Variants in POLE observed in about 807,000 individuals in gnomAD.
POLE encodes DNA polymerase epsilon, catalytic subunit, also known as DNA polymerase epsilon catalytic subunit A.
In POLE, 188 loss-of-function variants were observed where a neutral mutation model predicts 279.2. The ratio of observed to expected loss-of-function variants is 0.67; its 90% CI spans 0.60 to 0.76. The LOEUF (loss-of-function observed/expected upper bound fraction) is 0.76, where lower values mean the gene tolerates loss of function less well. Among genes scored for constraint, POLE ranks in the 30% least tolerant of loss-of-function variants. The pLI, the probability that POLE is intolerant of heterozygous loss-of-function variation, is 0.00. For missense variants in POLE, 2,703 were observed against 3,016.7 expected, an observed-to-expected ratio of 0.90 and a Z score of 2.44; for synonymous variants, 1,214 against 1,172.5, an observed-to-expected ratio of 1.04 and a Z score of -0.72.
At chr12:132,631,719 A>G (rs1370009039) in intron 45 of POLE, among the ~76,000 whole-genome samples, 1 of 152,116 alleles carries the variant, frequency 6.6e-6, no homozygotes, top group Non-Finnish European at 1.5e-5. Context: ...TCATCTCATC[A>G]GCTCTGGGTC....
chr12:132,648,825 C>T lies in POLE; in HGVS notation c.4149+104G>A, dbSNP rs564825011. On this transcript the variant is annotated intron_variant, in intron 32 of 48. Coordinates refer to ENST00000320574, the MANE Select transcript of POLE (RefSeq NM_006231.4). ...GTTTTGAGGAATTCCTAGAACATCC[C>T]CATAAGGTACTGAGGAGATGGAGGC... The T allele has an allele frequency of 1.7e-4, 213 of 1,227,674 alleles. 1 individual carries two copies. The African/African-American group carries it at 3.1e-3, about 18-fold the overall frequency. The allele number at this position is 1,227,674 out of a possible 1,614,324, so 76.0% of individuals were successfully genotyped here.
intron 6 of POLE, among the ~76,000 whole-genome samples, 153 bp downstream of exon 6, chr12:132,679,344 C>T (rs896344496): frequency 6.6e-6 from 1 of 152,126 alleles, no homozygotes; most frequent in African/African-American, 2.4e-5. Flanking sequence ...GTTTATTTAA[C>T]ACAGAACATA....
chr12:132,647,711 A>G (rs1394354556), intron 32 of POLE, among the ~76,000 whole-genome samples: 1 of 152,118 alleles, frequency 6.6e-6, no homozygotes, highest in African/African-American at 2.4e-5. Flanking sequence ...AAAGGGAAAC[A>G]TCCCAAAAGT....
chr12:132,675,942 C>CTTCT lies in POLE; in HGVS notation c.1021-123_1021-122insAGAA. The stretch of plus-strand genomic sequence containing the variant: ...GGCCCTTATTCCTGCCCCGCCCCTC[C>CTTCT]GCCCGTCTCTGGCAGAAAAGACGGT... On this transcript the variant is annotated intron_variant, in intron 10 of 48. Transcript: ENST00000320574. This position sits in a 1 kb window ranked among gnomAD's most constrained non-coding sequence, Gnocchi z 4.3. The CTTCT allele has an allele frequency of 1.0e-6, 1 of 954,064 alleles. No homozygotes were observed. Among genetic ancestry groups the CTTCT allele is most frequent in the Non-Finnish European group, 1.6e-6 (1 of 608,282 alleles). 59.1% of individuals were successfully genotyped at this position (954,064 alleles called of 1,614,324 possible). A position where few individuals can be genotyped will look rare whatever the true frequency, so the allele number is the denominator to read the frequency against.
chr12:132,632,980 AG>A (rs1271877296), intron 43 of POLE, 185 bp from the exon 44 acceptor site: 13 of 615,690 alleles, frequency 2.1e-5, no homozygotes, highest in African/African-American at 1.3e-4. Flanking sequence ...GGAAATGAGA[AG>A]GAACACTCGC....
intron 20 of POLE, among the ~76,000 whole-genome samples, chr12:132,666,873 G>C (rs528501977): frequency 3.3e-5 from 5 of 152,092 alleles, no homozygotes; most frequent in Non-Finnish European, 5.9e-5. Flanking sequence ...TATTATGTCC[G>C]CCTTACCATT....
rs5744730 is a variant in POLE at position 132,681,534 on chromosome 12, G to A, written c.63-255C>T. ...AATTTTTTGTATTTTTAGTAGAGACGGGGTTTCACCGTGTTAGCCAGGATG... is the reference window on the plus strand; with the variant it reads ...AATTTTTTGTATTTTTAGTAGAGACAGGGTTTCACCGTGTTAGCCAGGATG... On this transcript the variant is annotated intron_variant, in intron 1 of 48. Transcript: ENST00000320574. Among the ~76,000 whole-genome samples the A allele has an allele frequency of 0.03, 4,533 of 152,012 alleles. 231 individuals are homozygous for A. Among genetic ancestry groups the A allele is most frequent in the African/African-American group, 0.1 (4,250 of 41,436 alleles).
In POLE at chr12:132,664,842, C is replaced by T. The variant is rs978063279; in HGVS notation, c.2469-380G>A. On this transcript the variant is annotated intron_variant, in intron 21 of 48. Coordinates refer to ENST00000320574, the MANE Select transcript of POLE (RefSeq NM_006231.4). This position sits in a 1 kb window ranked among gnomAD's most constrained non-coding sequence, Gnocchi z 5.3. ...GAAAGCCCAGGCCTAGCTGCCAGGCCCAACCCTCCTCCAGCCTGGGTCCCA... is the reference window on the plus strand; with the variant it reads ...GAAAGCCCAGGCCTAGCTGCCAGGCTCAACCCTCCTCCAGCCTGGGTCCCA... 1.3e-5 allele frequency among the ~76,000 whole-genome samples: 2 copies of T among 152,088 alleles called. No individual in the cohort carries two copies. Among genetic ancestry groups the T allele is most frequent in the East Asian group, 3.9e-4 (2 of 5,182 alleles).
At chr12:132,673,104 C>T in intron 14 of POLE, 60 bp downstream of exon 14, 1 of 1,107,046 alleles carries the variant, frequency 9.0e-7, no homozygotes, top group Non-Finnish European at 1.4e-6. Context: ...AGCTCCAGTG[C>T]ATTTGGAATG....
At chr12:132,640,487 G>C (rs1002500802) in intron 39 of POLE, among the ~76,000 whole-genome samples, 1 of 152,248 alleles carries the variant, frequency 6.6e-6, no homozygotes, top group East Asian at 1.9e-4. Flanking sequence ...CAAGTTTCCC[G>C]TTCCGGGGGG....
rs1172798794 is a variant in POLE, at chr12:132,624,812, T to C, written c.6748-2A>G. 8 of 1,607,684 alleles carry C rather than the reference T, an allele frequency of 5.0e-6. No individual in the cohort carries two copies. The highest frequency in any genetic ancestry group is 1.3e-5 in the African/African-American group (1 of 74,794). On this transcript the variant is annotated splice_acceptor_variant, in intron 48 of 48. Coordinates refer to ENST00000320574, the MANE Select transcript of POLE (RefSeq NM_006231.4). LOFTEE classifies it high-confidence loss of function. ...TATTCCGATCTGTTCCATGAAGACCTGCAGGAATAAACAGGCACAGTGAGA... is the reference window on the plus strand; with the variant it reads ...TATTCCGATCTGTTCCATGAAGACCCGCAGGAATAAACAGGCACAGTGAGA...
At chr12:132,625,437 C>T in intron 47 of POLE, 1 of 777,094 alleles carries the variant, frequency 1.3e-6, no homozygotes, top group Non-Finnish European at 2.3e-6. Flanking sequence ...GAAGCACCCA[C>T]AAGGCCAGCT....
chr12:132,630,684 A>C (rs1593704726), intron 45 of POLE, among the ~76,000 whole-genome samples: 1 of 152,152 alleles, frequency 6.6e-6, no homozygotes, highest in Non-Finnish European at 1.5e-5. Context: ...GCGCCACTGC[A>C]CCCCAGCCTG....
chr12:132,645,523 C>G (rs999513668), intron 32 of POLE, among the ~76,000 whole-genome samples: 1 of 152,210 alleles, frequency 6.6e-6, no homozygotes, highest in Non-Finnish European at 1.5e-5. Context: ...GGAGGCTGAG[C>G]TGACATTGGA....
At chr12:132,687,138 A>C (rs1031780276) in intron 1 of POLE, 116 bp downstream of exon 1, 7 of 487,816 alleles carry the variant, frequency 1.4e-5, no homozygotes, top group Admixed American at 5.1e-5. Context: ...AGGCGCGGCG[A>C]GTGCGGGCGG....
At chr12:132,642,796 C>T (rs2138538073) in intron 36 of POLE, 24 bp downstream of exon 36, 2 of 1,613,632 alleles carry the variant, frequency 1.2e-6, no homozygotes, top group African/African-American at 1.3e-5. Flanking sequence ...GGGGCTCACA[C>T]AGCAAGACCC....
intron 12 of POLE, among the ~76,000 whole-genome samples, chr12:132,674,385 C>T (rs962153335): frequency 1.3e-5 from 2 of 151,940 alleles, no homozygotes; most frequent in African/African-American, 2.4e-5. Flanking sequence ...AAGACCCACC[C>T]GCAACCCAGT....
In POLE at chr12:132,649,724, G is replaced by A. The variant is rs769323549; in HGVS notation, c.3748C>T (p.Pro1250Ser). Residue 1250 changes from proline (P) to serine (S), a missense_variant, in exon 30 of 49, where the codon CCC becomes TCC. This residue lies in a region of POLE where 1,551 missense variants were observed against 1,686.1 expected (regional missense o/e 0.92). Coordinates refer to ENST00000320574, the MANE Select transcript of POLE (RefSeq NM_006231.4). Reference protein sequence around the residue: ...EESQDLTPTVPWQEILGQPPA... With the variant: ...EESQDLTPTVSWQEILGQPPA... ...GGCTGCCCCAAGATTTCCTGCCAGG[G>A]CACAGTCGGCGTGAGGTCCTGGGAC... 3 of 1,614,178 alleles carry A rather than the reference G, an allele frequency of 1.9e-6. No individual in the cohort carries two copies. The highest frequency in any genetic ancestry group is 1.7e-5 in the Admixed American group (1 of 60,022).
At position 132,667,639 on chromosome 12, in the gene POLE, C is replaced by A. The variant is rs762552065; in HGVS notation, c.2183G>T (p.Arg728Leu). The A allele has an allele frequency of 6.2e-7, 1 of 1,614,074 alleles. No individual in the cohort carries two copies. Among genetic ancestry groups the A allele is most frequent in the Non-Finnish European group, 8.5e-7 (1 of 1,179,996 alleles). ...YEKRRLADYC[R>L]KAYKKIHITK... is the part of the protein sequence containing the mutation. ...GATGTGGATCTTCTTGTAGGCTTTC[C>A]GGCAGTAATCTAAGCACGACGGAGA... is the stretch of plus-strand genomic sequence containing the variant. The change falls in exon 20 of 49, where the codon CGG becomes CTG. Residue 728 changes from arginine (R) to leucine (L), a missense_variant. Physicochemically the swap from Arg to Leu is moderately radical, Grantham distance 102 (BLOSUM62 -2). This residue lies in a region of POLE where 1,011 missense variants were observed against 1,111.7 expected (regional missense o/e 0.91). Transcript: ENST00000320574.
Sources: allele counts gnomAD v4.1 joint callset (sites outside exome capture counted in the v4.1 genomes callset), GRCh38; gene constraint gnomAD v4.1.1; regional missense constraint gnomAD v4.1.1; non-coding constraint Gnocchi (gnomAD v3.1); transcripts MANE v1.5; gene names NCBI Gene and HGNC (gene_info 2026-07-23, HGNC 2026-07-21).